The following UBLCP1 variants were observed in gnomAD, a reference collection of about 807,000 sequenced individuals.
The protein encoded by UBLCP1 is ubiquitin-like domain-containing CTD phosphatase 1.
UBLCP1 carries 28 observed loss-of-function variants against 42.4 expected under a neutral mutation model. The observed-to-expected ratio is 0.66, with a 90% CI of 0.49 to 0.90. UBLCP1 has a LOEUF of 0.90. UBLCP1 is among the 40% of genes least tolerant of loss of function. The probability of loss-of-function intolerance (pLI) is 0.00; values close to 1 mark genes in which losing one functional copy is unlikely to be tolerated. For missense variants in UBLCP1, 279 were observed against 374.5 expected, an observed-to-expected ratio of 0.75 and a Z score of 2.10; for synonymous variants, 122 against 120.8, an observed-to-expected ratio of 1.01 and a Z score of -0.07.
In UBLCP1 at chr5:159,274,635, A is replaced by G; in HGVS notation, c.585+13A>G. ...AGCTAAAATGAAAGTAAGTGTTAGA[A>G]AGCAATCCATTTAAAAATATTTTCA... On this transcript the variant is annotated intron_variant, in intron 7 of 10. Coordinates refer to ENST00000296786, the MANE Select transcript of UBLCP1 (RefSeq NM_145049.5). 1.2e-6 allele frequency: 2 copies of G among 1,605,038 alleles called. No homozygotes were observed. Among genetic ancestry groups the G allele is most frequent in the Non-Finnish European group, 1.7e-6 (2 of 1,175,050 alleles).
chr5:159,263,761 T>G (rs1753333617), intron 1 of UBLCP1, among the ~76,000 whole-genome samples: 1 of 152,220 alleles, frequency 6.6e-6, no homozygotes, highest in African/African-American at 2.4e-5. Context: ...TCGCAGTTGT[T>G]GCTGGTGTGC....
chr5:159,266,958 CCCT>C (rs1301729106), intron 1 of UBLCP1, among the ~76,000 whole-genome samples: 2 of 152,206 alleles, frequency 1.3e-5, no homozygotes, highest in Non-Finnish European at 2.9e-5. Flanking sequence ...AGGGGTGGGG[CCCT>C]CATGGGGAAC....
chr5:159,267,070 C>T (rs1372402590), intron 1 of UBLCP1, among the ~76,000 whole-genome samples: 1 of 152,146 alleles, frequency 6.6e-6, no homozygotes. Context: ...AGAGGGCCAC[C>T]ACCCTCCAGG....
intron 10 of UBLCP1, among the ~76,000 whole-genome samples, chr5:159,284,099 A>G (rs1753642018): frequency 1.3e-5 from 2 of 152,176 alleles, no homozygotes; most frequent in South Asian, 4.1e-4. Flanking sequence ...GACTTTTCAG[A>G]TCAGTTTGAC....
At chr5:159,284,694 G>T (rs1753648877) in intron 10 of UBLCP1, among the ~76,000 whole-genome samples, 1 of 152,156 alleles carries the variant, frequency 6.6e-6, no homozygotes, top group South Asian at 2.1e-4. Flanking sequence ...AATTCTAATA[G>T]TAACTCCTCA....
intron 7 of UBLCP1, 103 bp downstream of exon 7, chr5:159,274,725 A>C: frequency 1.0e-6 from 1 of 989,740 alleles, no homozygotes; most frequent in Non-Finnish European, 1.5e-6. Flanking sequence ...GAGGGCACTT[A>C]GTAGATAGAT....
chr5:159,270,697 T>A, intron 5 of UBLCP1, 54 bp downstream of exon 5: 2 of 1,210,792 alleles, frequency 1.7e-6, no homozygotes, highest in Admixed American at 2.7e-5. Context: ...AACTCTTTTT[T>A]TCTTTTCTTT....
intron 1 of UBLCP1, among the ~76,000 whole-genome samples, chr5:159,267,212 G>A (rs921532305): frequency 4.6e-5 from 7 of 152,344 alleles, no homozygotes; most frequent in African/African-American, 1.4e-4. Context: ...AGCTATCCAA[G>A]ACCATAGGAA....
rs1753656461 is a variant in UBLCP1 at position 159,285,138 on chromosome 5, C to G, written c.*207C>G. The G allele has an allele frequency of 3.9e-6, 2 of 509,146 alleles. No individual in the cohort carries two copies. The highest frequency in any genetic ancestry group is 6.9e-5 in the East Asian group (2 of 28,920). 31.5% of individuals were successfully genotyped at this position (509,146 alleles called of 1,614,324 possible). A position where few individuals can be genotyped will look rare whatever the true frequency, so the allele number is the denominator to read the frequency against. ...AATGCTTGTCCCCTATATGAATATT[C>G]TGTTACGCTTGAAAAATATTTTCTC... On this transcript the variant is annotated 3_prime_UTR_variant, in exon 11 of 11. Transcript: ENST00000296786.
At chr5:159,268,804 A>G in intron 1 of UBLCP1, 66 bp from the exon 2 acceptor site, 1 of 1,224,788 alleles carries the variant, frequency 8.2e-7, no homozygotes, top group Non-Finnish European at 1.1e-6. Context: ...TACACATAAA[A>G]CTTAAAAGTT....
rs1415178661 is a variant in UBLCP1 at position 159,268,866 on chromosome 5, C to T, written c.-46-4C>T. On this transcript the variant is annotated splice_polypyrimidine_tract_variant and splice_region_variant and intron_variant, in intron 1 of 10. Coordinates refer to ENST00000296786, the MANE Select transcript of UBLCP1 (RefSeq NM_145049.5). Reference sequence around the variant, plus strand: ...AACTTGTTCATTTTTGTCTTCCTTTCCAGGTATTTTTTTTTCTGAAGGAAA... The same window carrying T: ...AACTTGTTCATTTTTGTCTTCCTTTTCAGGTATTTTTTTTTCTGAAGGAAA... 1.9e-6 allele frequency: 3 copies of T among 1,574,802 alleles called. No homozygotes were observed. The African/African-American group carries it at 4.1e-5, about 22-fold the overall frequency.
rs754697521 is a variant in UBLCP1 at position 159,283,242 on chromosome 5, C to A, written c.832C>A (p.Arg278Ser). 1 of 1,606,146 alleles carries A rather than the reference C, an allele frequency of 6.2e-7. No homozygotes were observed. Among genetic ancestry groups the A allele is most frequent in the South Asian group, 1.1e-5 (1 of 88,836 alleles). Residue 278 changes from arginine (R) to serine (S), a missense_variant, in exon 10 of 11, where the codon CGT becomes AGT. Transcript: ENST00000296786. Reference sequence around the variant, plus strand: ...GCCTTTTATGAAAGCGCACCTAAATCGTGATAAAGACAAAGAACTTTTAAA... The same window carrying A: ...GCCTTTTATGAAAGCGCACCTAAATAGTGATAAAGACAAAGAACTTTTAAA... Reference protein sequence around the residue: ...IRPFMKAHLNRDKDKELLKLT... With the variant: ...IRPFMKAHLNSDKDKELLKLT...
At chr5:159,273,834 TCACACACACACACACA>T (rs34999232) in intron 6 of UBLCP1, among the ~76,000 whole-genome samples, 1 of 148,574 alleles carries the variant, frequency 6.7e-6, no homozygotes, top group Non-Finnish European at 1.5e-5. Context: ...CTTTTAAAAA[TCACACACACACACACA>T]CACACACACA....
chr5:159,267,950 T>G (rs189881965), intron 1 of UBLCP1, among the ~76,000 whole-genome samples: 1 of 152,182 alleles, frequency 6.6e-6, no homozygotes, highest in Admixed American at 6.5e-5. Flanking sequence ...GAAAACAGAC[T>G]AATACACTGA....
chr5:159,267,522 A>G (rs1753414231), intron 1 of UBLCP1, among the ~76,000 whole-genome samples: 1 of 152,188 alleles, frequency 6.6e-6, no homozygotes, highest in Non-Finnish European at 1.5e-5. Flanking sequence ...AAATGAATTA[A>G]GACTTTGGGG....
intron 1 of UBLCP1, among the ~76,000 whole-genome samples, chr5:159,264,545 A>C (rs972488019): frequency 1.4e-4 from 22 of 152,198 alleles, no homozygotes; most frequent in Non-Finnish European, 2.9e-4. Flanking sequence ...TGGAATTTCC[A>C]CTTGTGGGAT....
Position 159,269,900 on chromosome 5 carries a change from T to C in UBLCP1, c.155-8T>C. ...TAGTGAGAAAACAGTCATTTGCTTG[T>C]ATTGTAGGCAAACCTGCAGAAAATG... On this transcript the variant is annotated splice_region_variant and splice_polypyrimidine_tract_variant and intron_variant, in intron 2 of 10. Coordinates refer to ENST00000296786, the MANE Select transcript of UBLCP1 (RefSeq NM_145049.5). The C allele has an allele frequency of 6.2e-7, 1 of 1,609,918 alleles. No homozygotes were observed. The highest frequency in any genetic ancestry group is 2.2e-5 in the East Asian group (1 of 44,748).
rs544729396 is a variant in UBLCP1 at position 159,278,406 on chromosome 5, A to G, written c.801+52A>G. ...GCTCATGTAATCTGGGCTGTGTGGT[A>G]GAACTTTTGTAGTAAGCACTGTTGA... On this transcript the variant is annotated intron_variant, in intron 9 of 10. Transcript: ENST00000296786. 7 of 1,269,072 alleles carry G rather than the reference A, an allele frequency of 5.5e-6. No homozygotes were observed. In the South Asian group the frequency reaches 6.0e-5, roughly 11 times the overall value. The allele number at this position is 1,269,072 out of a possible 1,614,324, so 78.6% of individuals were successfully genotyped here. A position where few individuals can be genotyped will look rare whatever the true frequency, so the allele number is the denominator to read the frequency against.
chr5:159,265,736 C>T (rs1173500144), intron 1 of UBLCP1, among the ~76,000 whole-genome samples: 1 of 152,216 alleles, frequency 6.6e-6, no homozygotes, highest in Non-Finnish European at 1.5e-5. Context: ...TCTCTTGCCA[C>T]TGCCATGTAA....
Sources: gnomAD v4.1 joint callset for allele counts (sites outside exome capture counted in the v4.1 genomes callset) on GRCh38, gnomAD v4.1.1 for gene constraint, MANE v1.5 for transcripts, NCBI Gene and HGNC (gene_info 2026-07-23, HGNC 2026-07-21) for gene names.